Variants in ADGRL2 observed in about 807,000 individuals in gnomAD.
ADGRL2 encodes the protein calcium-independent alpha-latrotoxin receptor 2.
A neutral mutation model predicts 157.4 loss-of-function variants in ADGRL2; 44 were observed. The observed-to-expected ratio is 0.28, with a 90% CI of 0.22 to 0.36. The LOEUF is 0.36. ADGRL2 is among the 10% of genes least tolerant of loss of function. The pLI, the probability that ADGRL2 is intolerant of heterozygous loss-of-function variation, is 1.00. For synonymous variants in ADGRL2, 585 were observed against 624.7 expected (o/e 0.94, Z 0.95); for missense variants, 1,510 against 1,768.9 (o/e 0.85, Z 2.63).
In ADGRL2 at chr1:81,689,592, T is replaced by C. The variant is rs1328298698; in HGVS notation, c.-142-72219T>C. ...GATTTTTAAAAATGACTGTGACCCT[T>C]TGGCAAGATGACAAGAACCACACCA... On this transcript the variant is annotated intron_variant, in intron 3 of 24. Coordinates refer to the ADGRL2 transcript ENST00000370721. Among the ~76,000 whole-genome samples, 4 of 152,234 alleles carry C rather than the reference T, an allele frequency of 2.6e-5. No homozygotes were observed. The South Asian group carries it at 8.3e-4, about 31-fold the overall frequency.
rs78532282 is a variant in ADGRL2 at position 81,630,515 on chromosome 1, C to A, written c.-143+49535C>A. Among the ~76,000 whole-genome samples the A allele has an allele frequency of 2.8e-3, 431 of 152,118 alleles. 3 individuals carry two copies. Among genetic ancestry groups the A allele is most frequent in the African/African-American group, 9.9e-3 (409 of 41,486 alleles). ...AAAGGTGAAATACATATGATAGAAG[C>A]CTTTGTAATAGGAAAAGTGGTTATT... is the stretch of plus-strand genomic sequence containing the variant. On this transcript the variant is annotated intron_variant, in intron 3 of 24. Coordinates refer to the ADGRL2 transcript ENST00000370721.
intron 1 of ADGRL2, among the ~76,000 whole-genome samples, chr1:81,730,178 C>A (rs779407552): frequency 1.3e-5 from 2 of 152,112 alleles, no homozygotes; most frequent in African/African-American, 4.8e-5. Flanking sequence ...TTGAAGAATT[C>A]CACTTTTATT....
chr1:81,600,659 T>C (rs2081316805), intron 3 of ADGRL2, among the ~76,000 whole-genome samples: 2 of 152,202 alleles, frequency 1.3e-5, no homozygotes, highest in Admixed American at 6.5e-5. Context: ...AGAATTTGAA[T>C]GACTTGCCCT....
At chr1:81,662,070 G>T (rs1395600146) in intron 3 of ADGRL2, among the ~76,000 whole-genome samples, 8 of 152,040 alleles carry the variant, frequency 5.3e-5, no homozygotes, top group Admixed American at 3.3e-4. Context: ...GATATGTTTT[G>T]ATGTAGATGT....
intron 1 of ADGRL2, 59 bp from the exon 2 acceptor site, chr1:81,836,826 G>C (rs2150193952): frequency 2.0e-6 from 1 of 497,994 alleles, no homozygotes; most frequent in East Asian, 3.5e-5. Context: ...CGGAGAGAGA[G>C]AATTGTTTTG....
intron 2 of ADGRL2, among the ~76,000 whole-genome samples, chr1:81,448,523 A>G (rs1314286827): frequency 1.3e-5 from 2 of 151,808 alleles, no homozygotes; most frequent in African/African-American, 2.4e-5. Flanking sequence ...TACAGCCTCT[A>G]CACCCCCTGA....
intron 1 of ADGRL2, among the ~76,000 whole-genome samples, chr1:81,425,745 A>C (rs2077201338): frequency 1.3e-5 from 2 of 152,192 alleles, no homozygotes; most frequent in Non-Finnish European, 2.9e-5. Flanking sequence ...TGGGCTCTAG[A>C]GCAGGTAGGG....
At chr1:81,845,830 G>T (rs941276978) in intron 2 of ADGRL2, among the ~76,000 whole-genome samples, 1 of 151,290 alleles carries the variant, frequency 6.6e-6, no homozygotes, top group Non-Finnish European at 1.5e-5. Context: ...AACACTAATC[G>T]CAGGTTTAAC....
At chr1:81,419,966 C>T (rs1296511060) in intron 1 of ADGRL2, among the ~76,000 whole-genome samples, 1 of 152,146 alleles carries the variant, frequency 6.6e-6, no homozygotes, top group Non-Finnish European at 1.5e-5. Context: ...ATAATTATAA[C>T]TAGGCAACAG....
chr1:81,582,521 C>T (rs1324141479), intron 3 of ADGRL2, among the ~76,000 whole-genome samples: 1 of 150,954 alleles, frequency 6.6e-6, no homozygotes, highest in Admixed American at 6.6e-5. Context: ...ACTGTAGCAT[C>T]AAAAGTATAA....
At chr1:81,939,405 A>G (rs1321696233) in intron 4 of ADGRL2, among the ~76,000 whole-genome samples, 1 of 151,546 alleles carries the variant, frequency 6.6e-6, no homozygotes, top group Non-Finnish European at 1.5e-5. Flanking sequence ...TGCAAGCAGG[A>G]TTTGGTTTTG....
chr1:81,599,473 A>G (rs1248519341), intron 3 of ADGRL2, among the ~76,000 whole-genome samples: 3 of 152,180 alleles, frequency 2.0e-5, no homozygotes, highest in African/African-American at 7.2e-5. Flanking sequence ...TACCCCACCT[A>G]TTCAACAGTC....
intron 2 of ADGRL2, among the ~76,000 whole-genome samples, chr1:81,460,108 A>C (rs980018938): frequency 6.6e-6 from 1 of 152,024 alleles, no homozygotes; most frequent in African/African-American, 2.4e-5. Context: ...GATGTTGAAT[A>C]TCTTCATATA....
intron 3 of ADGRL2, among the ~76,000 whole-genome samples, chr1:81,662,682 G>T (rs1184977910): frequency 6.6e-6 from 1 of 151,694 alleles, no homozygotes; most frequent in Non-Finnish European, 1.5e-5. Context: ...AGCCTCCTGA[G>T]TAGGTGGGAT....
chr1:81,448,089 G>A (rs574019245), intron 2 of ADGRL2, among the ~76,000 whole-genome samples: 46 of 151,438 alleles, frequency 3.0e-4, no homozygotes, highest in Non-Finnish European at 4.9e-4. Context: ...TACAGCCTGC[G>A]GAACCATGAG....
At chr1:81,989,172 C>T (rs1444947939) in intron 23 of ADGRL2, among the ~76,000 whole-genome samples, 1 of 151,964 alleles carries the variant, frequency 6.6e-6, no homozygotes, top group Non-Finnish European at 1.5e-5. Flanking sequence ...GTTTTATTTC[C>T]CCCTCCTAAA....
intron 1 of ADGRL2, among the ~76,000 whole-genome samples, chr1:81,368,809 C>T (rs74093395): frequency 0.015 from 2,254 of 152,248 alleles, 56 homozygotes; most frequent in African/African-American, 0.051. Flanking sequence ...TTTTGCATCG[C>T]TCCATCCCAT....
chr1:81,399,306 C>T (rs766744214), intron 1 of ADGRL2, among the ~76,000 whole-genome samples: 1 of 152,182 alleles, frequency 6.6e-6, no homozygotes, highest in Non-Finnish European at 1.5e-5. Flanking sequence ...CAAATCCAAA[C>T]CATATCAATA....
At chr1:81,686,797 T>C (rs747658537) in intron 3 of ADGRL2, among the ~76,000 whole-genome samples, 7 of 152,204 alleles carry the variant, frequency 4.6e-5, no homozygotes, top group Non-Finnish European at 8.8e-5. Flanking sequence ...CTCTTAGCAC[T>C]GCCTTAGCTG....
Sources: allele counts gnomAD v4.1 joint callset (sites outside exome capture counted in the v4.1 genomes callset), GRCh38; gene constraint gnomAD v4.1.1; transcripts MANE v1.5; gene names NCBI Gene and HGNC (gene_info 2026-07-23, HGNC 2026-07-21).